Variants in AKAP12 observed in about 807,000 individuals in gnomAD.
AKAP12 encodes A-kinase anchor protein 12.
Under a neutral mutation model 79.9 loss-of-function variants are expected in AKAP12, and 32 were observed. The ratio of observed to expected loss-of-function variants is 0.40; its 90% CI spans 0.30 to 0.54. The LOEUF (loss-of-function observed/expected upper bound fraction) is 0.54, where lower values mean the gene tolerates loss of function less well. Among genes scored for constraint, AKAP12 ranks in the 20% least tolerant of loss-of-function variants. The pLI is 0.48. For missense variants in AKAP12, 2,074 were observed against 2,177.0 expected, an observed-to-expected ratio of 0.95 and a Z score of 0.94; for synonymous variants, 808 against 857.0, an observed-to-expected ratio of 0.94 and a Z score of 1.00.
intron 3 of AKAP12, among the ~76,000 whole-genome samples, chr6:151,307,483 G>A (rs1777000201): frequency 6.6e-6 from 1 of 152,208 alleles, no homozygotes; most frequent in African/African-American, 2.4e-5. Context: ...GTATTTAGTG[G>A]ACAACGTGTG....
rs373987803 is a variant in AKAP12 at position 151,357,650 on chromosome 6, C to T, written c.*1936C>T. On this transcript the variant is annotated 3_prime_UTR_variant, in exon 5 of 5. Transcript: ENST00000402676. ...AGTTATTCTCAAATATATATAATAG[C>T]TACCCATGCATCATTATTAAAATCC... 7 of 150,784 alleles carry T rather than the reference C, an allele frequency of 4.6e-5. No individual in the cohort carries two copies. In the East Asian group the frequency reaches 9.7e-4, roughly 21 times the overall value. The allele number at this position is 150,784 out of a possible 1,614,324, so 9.3% of individuals were successfully genotyped here.
chr6:151,325,394 A>C, intron 3 of AKAP12: 8 of 985,436 alleles, frequency 8.1e-6, no homozygotes, highest in Non-Finnish European at 9.6e-6. Context: ...AACCGTTTAG[A>C]TCCAATGCGC....
rs1163269904 is a variant in AKAP12 at position 151,321,901 on chromosome 6, A to ATGTTGT, written c.319+16002_319+16003insGTTGTT. On this transcript the variant is annotated intron_variant, in intron 3 of 4. Coordinates refer to ENST00000402676, the MANE Select transcript of AKAP12 (RefSeq NM_005100.4). ...TTTTTAAACCAGGCACATCAGCTTT[A>ATGTTGT]TGTTTTTTTTTTTTTTTTTTTTTTT... 2.7e-3 allele frequency among the ~76,000 whole-genome samples: 156 copies of ATGTTGT among 58,470 alleles called. 1 individual carries two copies. The highest frequency in any genetic ancestry group is 0.012 in the African/African-American group (130 of 11,074). 38.4% of individuals were successfully genotyped at this position (58,470 alleles called of 152,430 possible). A position where few individuals can be genotyped will look rare whatever the true frequency, so the allele number is the denominator to read the frequency against.
chr6:151,348,972 A>T lies in AKAP12; in HGVS notation c.581A>T (p.Asp194Val). 1 of 1,614,154 alleles carries T rather than the reference A, an allele frequency of 6.2e-7. No homozygotes were observed. Among genetic ancestry groups the T allele is most frequent in the Non-Finnish European group, 8.5e-7 (1 of 1,180,020 alleles). Reference sequence around the variant, plus strand: ...AAAAAGGATAAGACAGAGAAGCCTGACACTGTCCAGCTACTCACTGTGAAG... The same window carrying T: ...AAAAAGGATAAGACAGAGAAGCCTGTCACTGTCCAGCTACTCACTGTGAAG... Reference protein sequence around the residue: ...TVKKDKTEKPDTVQLLTVKKD... With the variant: ...TVKKDKTEKPVTVQLLTVKKD... The change falls in exon 4 of 5, where the codon GAC becomes GTC. Residue 194 changes from aspartate (D) to valine (V), a missense_variant. Transcript: ENST00000402676.
chr6:151,350,515 A>G lies in AKAP12; in HGVS notation c.2124A>G (p.Gly708=). The G allele has an allele frequency of 6.2e-7, 1 of 1,614,132 alleles. No individual in the cohort carries two copies. The part of the protein sequence containing the change: ...SDEEGGPKAM[G]GDHQKADEAG... ...AGGAAGGGGGACCAAAAGCAATGGG[A>G]GGAGACCACCAGAAAGCTGATGAGG... is the stretch of plus-strand genomic sequence containing the variant. Residue 708 remains glycine (G), a synonymous_variant, in exon 4 of 5, where the codon GGA becomes GGG. Transcript: ENST00000402676. The surrounding 1 kb of genome is among the most constrained non-coding windows in gnomAD (Gnocchi z 4.8).
rs141484689 is a variant in AKAP12, at chr6:151,268,177, C to T, written c.162+27453C>T. Among the ~76,000 whole-genome samples, 1,100 of 152,300 alleles carry T rather than the reference C, an allele frequency of 7.2e-3. 12 individuals carry two copies. The highest frequency in any genetic ancestry group is 0.025 in the African/African-American group (1,044 of 41,558). On this transcript the variant is annotated intron_variant, in intron 2 of 4. Coordinates refer to ENST00000402676, the MANE Select transcript of AKAP12 (RefSeq NM_005100.4). ...CCTGTAATCCCAGCACTTCGGGAAG[C>T]GAAGGCAGGCGGATCACCTGAGGTC...
intron 3 of AKAP12, chr6:151,323,587 G>T: frequency 2.0e-6 from 1 of 494,602 alleles, no homozygotes; most frequent in Non-Finnish European, 2.6e-6. Context: ...ATGTGTTAGC[G>T]TCTTCATGAA....
At chr6:151,244,446 C>T (rs1797032057) in intron 2 of AKAP12, among the ~76,000 whole-genome samples, 1 of 152,168 alleles carries the variant, frequency 6.6e-6, no homozygotes, top group South Asian at 2.1e-4. Context: ...ATGGCGTGAA[C>T]TCGGGAAGCG....
chr6:151,335,641 T>C (rs1375133441), intron 3 of AKAP12, among the ~76,000 whole-genome samples: 1 of 152,092 alleles, frequency 6.6e-6, no homozygotes, highest in East Asian at 1.9e-4. Flanking sequence ...CAGCTAACTT[T>C]TGTATTTTTA....
rs1778456348 is a variant in AKAP12 at position 151,356,921 on chromosome 6, C to G, written c.*1207C>G. ...CACTGGTTTGTGTGTTCAGAGGAAG[C>G]CATGGCCGAGATAGCTTTCCTGAAA... On this transcript the variant is annotated 3_prime_UTR_variant, in exon 5 of 5. Coordinates refer to ENST00000402676, the MANE Select transcript of AKAP12 (RefSeq NM_005100.4). 6.6e-6 allele frequency: 1 copy of G among 152,156 alleles called. No individual in the cohort carries two copies. The highest frequency in any genetic ancestry group is 1.5e-5 in the Non-Finnish European group (1 of 68,032). 9.4% of individuals were successfully genotyped at this position (152,156 alleles called of 1,614,324 possible).
At chr6:151,306,591 T>C (rs1478962437) in intron 3 of AKAP12, among the ~76,000 whole-genome samples, 3 of 152,222 alleles carry the variant, frequency 2.0e-5, no homozygotes, top group African/African-American at 7.2e-5. Flanking sequence ...TGATTCGGCA[T>C]ACGGTAAATT....
rs1325367301 is a variant in AKAP12 at position 151,353,347 on chromosome 6, T to C, written c.4956T>C (p.Asn1652=). ...MTVEVEGSTV[N]DQQLEEVVLP... The stretch of plus-strand genomic sequence containing the variant: ...TTGAGGTAGAAGGTTCCACTGTAAA[T>C]GATCAGCAGCTGGAAGAGGTCGTCC... Residue 1652 remains asparagine (N), a synonymous_variant, in exon 4 of 5, where the codon AAT becomes AAC. Coordinates refer to ENST00000402676, the MANE Select transcript of AKAP12 (RefSeq NM_005100.4). The C allele has an allele frequency of 6.2e-7, 1 of 1,613,970 alleles. No homozygotes were observed. The highest frequency in any genetic ancestry group is 1.3e-5 in the African/African-American group (1 of 74,888).
rs897163047 is a variant in AKAP12 at position 151,356,668 on chromosome 6, T to G, written c.*954T>G. The G allele has an allele frequency of 2.0e-5, 3 of 152,212 alleles. No homozygotes were observed. Among genetic ancestry groups the G allele is most frequent in the Non-Finnish European group, 2.9e-5 (2 of 68,036 alleles). The allele number at this position is 152,212 out of a possible 1,614,324, so 9.4% of individuals were successfully genotyped here. Reference sequence around the variant, plus strand: ...TGGTATTTTGATAGATACTGGATTGTGTTTGTGCCATATTTGTGCCATTCT... The same window carrying G: ...TGGTATTTTGATAGATACTGGATTGGGTTTGTGCCATATTTGTGCCATTCT... On this transcript the variant is annotated 3_prime_UTR_variant, in exon 5 of 5. Coordinates refer to ENST00000402676, the MANE Select transcript of AKAP12 (RefSeq NM_005100.4).
intron 2 of AKAP12, among the ~76,000 whole-genome samples, chr6:151,248,132 G>A (rs1466624636): frequency 6.6e-6 from 1 of 152,160 alleles, no homozygotes; most frequent in Non-Finnish European, 1.5e-5. Context: ...AGTATTGAAG[G>A]ATTAAATTTT....
At chr6:151,267,671 A>G (rs184179336) in intron 2 of AKAP12, among the ~76,000 whole-genome samples, 240 of 152,328 alleles carry the variant, frequency 1.6e-3, no homozygotes, top group South Asian at 3.5e-3. Flanking sequence ...TTGTGTCTAT[A>G]GTTATTATTT....
Position 151,352,701 on chromosome 6 carries a change from T to A in AKAP12, c.4310T>A (p.Ile1437Asn). 1.2e-6 allele frequency: 2 copies of A among 1,614,164 alleles called. No homozygotes were observed. Among genetic ancestry groups the A allele is most frequent in the South Asian group, 2.2e-5 (2 of 91,080 alleles). Residue 1437 changes from isoleucine (I) to asparagine (N), a missense_variant, in exon 4 of 5, where the codon ATT becomes AAT. Physicochemically the swap from Ile to Asn is moderately radical, Grantham distance 149 (BLOSUM62 -3). Transcript: ENST00000402676. The part of the protein sequence containing the change: ...EEKVLGETAN[I>N]LETGETLEPA... ...AAGGTCTTAGGAGAAACTGCCAACATTTTAGAAACAGGTGAAACGTTGGAG... is the reference window on the plus strand; with the variant it reads ...AAGGTCTTAGGAGAAACTGCCAACAATTTAGAAACAGGTGAAACGTTGGAG...
At chr6:151,325,169 T>C in intron 3 of AKAP12, 1 of 985,402 alleles carries the variant, frequency 1.0e-6, no homozygotes, top group Non-Finnish European at 1.2e-6. Flanking sequence ...GTGCAACGTG[T>C]GTGTATGCGT....
rs925376322 is a variant in AKAP12, at chr6:151,240,568, C to T, written c.6C>T (p.Gly2=). 5.4e-5 allele frequency: 78 copies of T among 1,442,096 alleles called. No homozygotes were observed. Among genetic ancestry groups the T allele is most frequent in the Non-Finnish European group, 6.7e-5 (74 of 1,103,556 alleles). 89.3% of individuals were successfully genotyped at this position (1,442,096 alleles called of 1,614,324 possible). M[G]AGSSTEQRSP... Reference sequence around the variant, plus strand: ...GGGAGAAGTGCGGAGGAGCCATGGGCGCCGGGAGCTCCACCGAGCAGCGCA... The same window carrying T: ...GGGAGAAGTGCGGAGGAGCCATGGGTGCCGGGAGCTCCACCGAGCAGCGCA... The change falls in exon 2 of 5, where the codon GGC becomes GGT. Residue 2 remains glycine, a synonymous_variant. Transcript: ENST00000402676.
intron 2 of AKAP12, among the ~76,000 whole-genome samples, chr6:151,266,609 C>T (rs1024594005): frequency 7.2e-5 from 11 of 152,300 alleles, no homozygotes; most frequent in African/African-American, 2.2e-4. Context: ...TCCTTTGCTC[C>T]AGTGCTGCTA....
Sources: gnomAD v4.1 joint callset for allele counts (sites outside exome capture counted in the v4.1 genomes callset) on GRCh38, gnomAD v4.1.1 for gene constraint, Gnocchi (gnomAD v3.1) non-coding constraint, MANE v1.5 for transcripts, NCBI Gene and HGNC (gene_info 2026-07-23, HGNC 2026-07-21) for gene names.